PITPNA: variants seen among roughly 807,000 people sequenced by gnomAD.
PITPNA encodes phosphatidylinositol transfer protein alpha isoform.
PITPNA carries 13 observed loss-of-function variants against 50.3 expected under a neutral mutation model. The observed-to-expected ratio is 0.26, with a 90% CI of 0.17 to 0.41. The LOEUF (loss-of-function observed/expected upper bound fraction) is 0.41. Among genes scored for constraint, PITPNA ranks in the 10% least tolerant of loss-of-function variants. The probability of loss-of-function intolerance (pLI) is 1.00; values close to 1 mark genes in which losing one functional copy is unlikely to be tolerated. For missense variants in PITPNA, 207 were observed against 333.4 expected (o/e 0.62, Z 2.95); for synonymous variants, 120 against 119.6 (o/e 1.00, Z -0.02).
chr17:1,524,236 G>A (rs890156372), intron 10 of PITPNA, among the ~76,000 whole-genome samples: 9 of 150,338 alleles, frequency 6.0e-5, no homozygotes, highest in Admixed American at 2.0e-4. Context: ...AGTAGAGACG[G>A]GGTTTCACCA....
chr17:1,551,583 G>A (rs769179414), intron 3 of PITPNA, among the ~76,000 whole-genome samples: 8 of 152,280 alleles, frequency 5.3e-5, no homozygotes, highest in Non-Finnish European at 1.0e-4. Flanking sequence ...GTGAGCCCCC[G>A]AAGCACCCGG....
At chr17:1,558,088 G>A (rs980195916) in intron 2 of PITPNA, among the ~76,000 whole-genome samples, 14 of 152,178 alleles carry the variant, frequency 9.2e-5, no homozygotes, top group Admixed American at 2.6e-4. Flanking sequence ...AAAATTAGCC[G>A]GGTGTGGTGG....
At chr17:1,536,752 C>T (rs1187007814) in intron 7 of PITPNA, among the ~76,000 whole-genome samples, 1 of 150,192 alleles carries the variant, frequency 6.7e-6, no homozygotes, top group Non-Finnish European at 1.5e-5. Context: ...TGCGACCACG[C>T]CAGGGTAATT....
chr17:1,532,388 A>G (rs1598405540), intron 10 of PITPNA, among the ~76,000 whole-genome samples: 1 of 151,296 alleles, frequency 6.6e-6, no homozygotes, highest in East Asian at 1.9e-4. Flanking sequence ...TGCCTGGCCG[A>G]GAAAGATTTT....
chr17:1,535,766 T>C (rs2075612167), intron 7 of PITPNA: 1 of 519,570 alleles, frequency 1.9e-6, no homozygotes, highest in East Asian at 3.5e-5. Context: ...CCAGACTGTC[T>C]GAGCAGGCAC....
chr17:1,552,961 C>A (rs1289831913), intron 3 of PITPNA, 43 bp downstream of exon 3: 6 of 1,605,588 alleles, frequency 3.7e-6, no homozygotes, highest in Non-Finnish European at 5.1e-6. Context: ...CATTCACACA[C>A]ACACAAAAGC....
chr17:1,551,157 TGA>T (rs2075707021), intron 3 of PITPNA, among the ~76,000 whole-genome samples: 1 of 151,774 alleles, frequency 6.6e-6, no homozygotes, highest in Admixed American at 6.6e-5. Context: ...GAAGGGCGAG[TGA>T]GAGTACTGCA....
At chr17:1,543,687 TG>T (rs1261549244) in intron 4 of PITPNA, among the ~76,000 whole-genome samples, 2 of 152,120 alleles carry the variant, frequency 1.3e-5, no homozygotes, top group Admixed American at 1.3e-4. Flanking sequence ...GTAGAGTGTG[TG>T]GGGTAACAAA....
At chr17:1,521,962 C>T (rs1459223778) in intron 10 of PITPNA, among the ~76,000 whole-genome samples, 3 of 150,952 alleles carry the variant, frequency 2.0e-5, no homozygotes, top group South Asian at 2.1e-4. Flanking sequence ...TGGCCTCACA[C>T]GATCCTCTGC....
chr17:1,557,030 C>T (rs965157133), intron 2 of PITPNA, among the ~76,000 whole-genome samples: 1 of 152,168 alleles, frequency 6.6e-6, no homozygotes, highest in Non-Finnish European at 1.5e-5. Flanking sequence ...TCAGCCCAGG[C>T]ACCTGGTTCT....
intron 10 of PITPNA, among the ~76,000 whole-genome samples, chr17:1,524,030 G>GT (rs943209134): frequency 6.4e-5 from 9 of 141,448 alleles, no homozygotes; most frequent in Middle Eastern, 3.7e-3. Flanking sequence ...CTAAGCCTCA[G>GT]TTTTTTTCTT....
intron 2 of PITPNA, among the ~76,000 whole-genome samples, chr17:1,556,572 C>T (rs1003564429): frequency 6.6e-6 from 1 of 152,144 alleles, no homozygotes; most frequent in Non-Finnish European, 1.5e-5. Context: ...GACACTCTCG[C>T]CCTTCGTTCC....
intron 11 of PITPNA, 47 bp downstream of exon 11, chr17:1,521,532 C>T (rs1015344120): frequency 1.4e-6 from 2 of 1,389,776 alleles, no homozygotes; most frequent in Admixed American, 1.7e-5. Flanking sequence ...GAAACCCAAA[C>T]TGATTTTAGC....
chr17:1,545,151 C>A (rs1829742998), intron 4 of PITPNA, among the ~76,000 whole-genome samples: 1 of 152,210 alleles, frequency 6.6e-6, no homozygotes, highest in South Asian at 2.1e-4. Flanking sequence ...ATCTTACCCT[C>A]TCCTCACTTC....
chr17:1,521,418 A>G (rs775552551), intron 11 of PITPNA, among the ~76,000 whole-genome samples, 161 bp downstream of exon 11: 3 of 152,178 alleles, frequency 2.0e-5, no homozygotes, highest in Non-Finnish European at 4.4e-5. Context: ...CCCAAGGGCC[A>G]TAATCTCCTA....
intron 6 of PITPNA, among the ~76,000 whole-genome samples, chr17:1,540,589 TTC>T (rs1491097946): frequency 2.0e-5 from 3 of 150,514 alleles, no homozygotes; most frequent in South Asian, 2.1e-4. Context: ...GGCCTTTTTT[TTC>T]TCTTTTTTTT....
chr17:1,546,336 A>T (rs1306242113), intron 4 of PITPNA, among the ~76,000 whole-genome samples: 1 of 152,080 alleles, frequency 6.6e-6, no homozygotes, highest in African/African-American at 2.4e-5. Flanking sequence ...AGAAAACTCT[A>T]AGGGTTACAC....
chr17:1,527,398 C>T (rs933719029), intron 10 of PITPNA, among the ~76,000 whole-genome samples: 2 of 152,128 alleles, frequency 1.3e-5, no homozygotes, highest in African/African-American at 2.4e-5. Context: ...CGTGCACCAC[C>T]ACGCCTGGCT....
chr17:1,533,210 C>T (rs2075594755), intron 10 of PITPNA, among the ~76,000 whole-genome samples: 1 of 152,172 alleles, frequency 6.6e-6, no homozygotes, highest in African/African-American at 2.4e-5. Flanking sequence ...TTTTTAGCTC[C>T]AAGATGGCAG....
Sources: gnomAD v4.1 joint callset for allele counts (sites outside exome capture counted in the v4.1 genomes callset) on GRCh38, gnomAD v4.1.1 for gene constraint, MANE v1.5 for transcripts, NCBI Gene and HGNC (gene_info 2026-07-23, HGNC 2026-07-21) for gene names.